Variants in MAGI3 observed in about 807,000 individuals in gnomAD.
MAGI3 encodes the protein membrane-associated guanylate kinase, WW and PDZ domain-containing protein 3.
In MAGI3, 43 loss-of-function variants were observed where a neutral mutation model predicts 121.8. That is an observed-to-expected ratio of 0.35 (90% CI 0.28 to 0.46). The LOEUF is 0.46. Among genes scored for constraint, MAGI3 ranks in the 20% least tolerant of loss-of-function variants. The pLI is 1.00. For missense variants in MAGI3, 1,547 were observed against 1,797.3 expected, an observed-to-expected ratio of 0.86 and a Z score of 2.52; for synonymous variants, 553 against 639.3, an observed-to-expected ratio of 0.86 and a Z score of 2.04.
chr1:113,559,105 G>A (rs1660114080), intron 2 of MAGI3, among the ~76,000 whole-genome samples: 1 of 152,150 alleles, frequency 6.6e-6, no homozygotes. Flanking sequence ...AATACACTGT[G>A]GTGCACAGAC....
At chr1:113,437,863 CCTCTT>C (rs1557757092) in intron 1 of MAGI3, among the ~76,000 whole-genome samples, 1,572 of 49,898 alleles carry the variant, frequency 0.032, 90 homozygotes, top group Non-Finnish European at 0.034. Context: ...TCTTCTTCTT[CCTCTT>C]CTTCTTCTTC....
intron 13 of MAGI3, 144 bp from the exon 14 acceptor site, chr1:113,650,870 C>T: frequency 1.4e-6 from 1 of 689,700 alleles, no homozygotes; most frequent in Non-Finnish European, 2.4e-6. Context: ...GGCACTTTCT[C>T]AGATAATACC....
chr1:113,653,998 A>T lies in MAGI3; in HGVS notation c.2609A>T (p.Lys870Ile). 6.2e-7 allele frequency: 1 copy of T among 1,613,484 alleles called. No individual in the cohort carries two copies. Among genetic ancestry groups the T allele is most frequent in the African/African-American group, 1.3e-5 (1 of 74,990 alleles). The stretch of plus-strand genomic sequence containing the variant: ...TTTGGCTTTGTCATCCTCACCTCCA[A>T]AAACAAACCACCTCCAGGAGGTAAG... ...EGFGFVILTS[K>I]NKPPPGVIPH... Residue 870 changes from lysine to isoleucine, a missense_variant, in exon 15 of 21, where the codon AAA becomes ATA. Transcript: ENST00000307546.
intron 5 of MAGI3, among the ~76,000 whole-genome samples, chr1:113,594,020 T>C (rs1400913480): frequency 1.3e-5 from 2 of 152,226 alleles, no homozygotes; most frequent in African/African-American, 2.4e-5. Context: ...TGTTTATTTA[T>C]CTTTATATTC....
At chr1:113,645,457 G>A (rs1652782418) in intron 11 of MAGI3, among the ~76,000 whole-genome samples, 1 of 152,268 alleles carries the variant, frequency 6.6e-6, no homozygotes, top group African/African-American at 2.4e-5. Context: ...TTTAACTCCT[G>A]TGCCACCATA....
intron 1 of MAGI3, among the ~76,000 whole-genome samples, chr1:113,451,836 A>G (rs1411415651): frequency 6.6e-6 from 1 of 152,200 alleles, no homozygotes; most frequent in East Asian, 1.9e-4. Flanking sequence ...ATGTGATGTT[A>G]ATTGCTATGG....
intron 6 of MAGI3, among the ~76,000 whole-genome samples, chr1:113,606,132 A>C (rs951201190): frequency 6.6e-6 from 1 of 151,654 alleles, no homozygotes; most frequent in African/African-American, 2.4e-5. Context: ...TGGCTGGCTA[A>C]TTTTTGTATT....
At chr1:113,483,466 G>A (rs901410295) in intron 1 of MAGI3, among the ~76,000 whole-genome samples, 1 of 152,140 alleles carries the variant, frequency 6.6e-6, no homozygotes, top group African/African-American at 2.4e-5. Flanking sequence ...TGGCTTGTGA[G>A]GGCACAGCAG....
intron 7 of MAGI3, among the ~76,000 whole-genome samples, chr1:113,617,813 T>C (rs1239819218): frequency 6.6e-6 from 1 of 152,144 alleles, no homozygotes; most frequent in Non-Finnish European, 1.5e-5. Context: ...GTTCCTAGGA[T>C]TTTTATTTTC....
At chr1:113,594,419 C>A in intron 5 of MAGI3, 62 bp from the exon 6 acceptor site, 1 of 1,344,968 alleles carries the variant, frequency 7.4e-7, no homozygotes, top group African/African-American at 1.5e-5. Context: ...TTAATCTTTA[C>A]TTTTGAAATA....
At chr1:113,556,327 T>C (rs1659991755) in intron 2 of MAGI3, among the ~76,000 whole-genome samples, 1 of 152,046 alleles carries the variant, frequency 6.6e-6, no homozygotes, top group African/African-American at 2.4e-5. Context: ...TAGGAAGAAA[T>C]TAAGCACAAA....
chr1:113,614,389 A>G (rs1650332038), intron 6 of MAGI3, among the ~76,000 whole-genome samples: 1 of 152,124 alleles, frequency 6.6e-6, no homozygotes, highest in Non-Finnish European at 1.5e-5. Flanking sequence ...GTTTAATGCC[A>G]TCTTCTGTTC....
At chr1:113,648,686 G>T (rs1266569900) in intron 12 of MAGI3, among the ~76,000 whole-genome samples, 1 of 151,806 alleles carries the variant, frequency 6.6e-6, no homozygotes, top group Non-Finnish European at 1.5e-5. Flanking sequence ...CTAGAAAATG[G>T]GGCTAATAAT....
intron 1 of MAGI3, chr1:113,450,863 C>T (rs1317582537): frequency 2.0e-5 from 13 of 637,332 alleles, no homozygotes; most frequent in Non-Finnish European, 3.4e-5. Flanking sequence ...ACAGAAGGAA[C>T]GATGATCCAT....
chr1:113,617,161 T>A (rs1650526934), intron 7 of MAGI3, among the ~76,000 whole-genome samples: 1 of 152,210 alleles, frequency 6.6e-6, no homozygotes, highest in South Asian at 2.1e-4. Flanking sequence ...AGTGCTGGGA[T>A]CCCAGGCGTG....
chr1:113,557,165 G>A (rs1033065720), intron 2 of MAGI3, among the ~76,000 whole-genome samples: 9 of 152,000 alleles, frequency 5.9e-5, no homozygotes, highest in African/African-American at 2.2e-4. Context: ...GCACAACATA[G>A]TGGCTTTGCC....
chr1:113,682,762 CAT>C (rs1269959523), intron 20 of MAGI3, 133 bp from the exon 21 acceptor site: 31 of 1,425,958 alleles, frequency 2.2e-5, no homozygotes, highest in Middle Eastern at 5.1e-4. Context: ...ATGTTGTAAA[CAT>C]ATACAAACTG....
intron 1 of MAGI3, among the ~76,000 whole-genome samples, chr1:113,454,661 A>G (rs1178991573): frequency 6.6e-6 from 1 of 151,692 alleles, no homozygotes; most frequent in Non-Finnish European, 1.5e-5. Context: ...CCATCCCTCG[A>G]CAGGCCCCGG....
At chr1:113,497,372 G>A (rs544864902) in intron 1 of MAGI3, among the ~76,000 whole-genome samples, 2 of 113,506 alleles carry the variant, frequency 1.8e-5, no homozygotes, top group South Asian at 3.0e-4. Context: ...TGCGCGAGCC[G>A]AAGCAGGGCG....
Sources: allele counts gnomAD v4.1 joint callset (sites outside exome capture counted in the v4.1 genomes callset), GRCh38; gene constraint gnomAD v4.1.1; transcripts MANE v1.5; gene names NCBI Gene and HGNC (gene_info 2026-07-23, HGNC 2026-07-21).